Variants in LRBA observed in about 807,000 individuals in gnomAD.
LRBA encodes the protein lipopolysaccharide-responsive and beige-like anchor protein.
LRBA carries 176 observed loss-of-function variants against 330.0 expected under a neutral mutation model. The ratio of observed to expected loss-of-function variants is 0.53; its 90% CI spans 0.47 to 0.60. LRBA has a LOEUF of 0.60. Among genes scored for constraint, LRBA ranks in the 20% least tolerant of loss-of-function variants. LRBA has a pLI of 0.00. For missense variants in LRBA, 3,259 were observed against 3,444.8 expected (o/e 0.95, Z 1.35); for synonymous variants, 1,230 against 1,193.0 (o/e 1.03, Z -0.64).
intron 56 of LRBA, among the ~76,000 whole-genome samples, chr4:150,271,219 A>G (rs1274024186): frequency 6.6e-6 from 1 of 152,106 alleles, no homozygotes; most frequent in Non-Finnish European, 1.5e-5. Flanking sequence ...CCTGCAGACC[A>G]GGAGATTCCC....
At chr4:150,922,508 A>G (rs1438035271) in intron 4 of LRBA, among the ~76,000 whole-genome samples, 1 of 151,920 alleles carries the variant, frequency 6.6e-6, no homozygotes, top group Non-Finnish European at 1.5e-5. Flanking sequence ...TAAGTGAAGT[A>G]ACTCAGGAAT....
chr4:150,427,547 T>C (rs1749802412), intron 46 of LRBA, among the ~76,000 whole-genome samples: 1 of 151,704 alleles, frequency 6.6e-6, no homozygotes, highest in African/African-American at 2.4e-5. Flanking sequence ...TTGAGCTCAC[T>C]GATGAAAAAG....
rs371769624 is a variant in LRBA, at chr4:150,714,248, AAC to A, written c.5754+21008_5754+21009del. On this transcript the variant is annotated intron_variant, in intron 36 of 56. Transcript: ENST00000651943. ...AATACATTATGTCTAATATTTCAAG[AAC>A]AGTTTATAATTTGTAACTCAAATGT... Among the ~76,000 whole-genome samples the A allele has an allele frequency of 3.7e-4, 56 of 152,314 alleles. No individual in the cohort carries two copies. The East Asian group carries it at 0.011, about 29-fold the overall frequency.
At chr4:150,926,767 A>G (rs1481063219) in intron 4 of LRBA, among the ~76,000 whole-genome samples, 2 of 152,208 alleles carry the variant, frequency 1.3e-5, no homozygotes, top group Non-Finnish European at 2.9e-5. Context: ...TATTTAAAAG[A>G]ACCAAATAGA....
At chr4:150,980,034 CACT>C (rs773025466) in intron 2 of LRBA, among the ~76,000 whole-genome samples, 6 of 152,136 alleles carry the variant, frequency 3.9e-5, no homozygotes, top group Non-Finnish European at 7.4e-5. Flanking sequence ...AACTGTACAC[CACT>C]ATCTCTGATG....
chr4:150,856,214 T>C (rs956183999), intron 22 of LRBA, among the ~76,000 whole-genome samples: 2 of 152,176 alleles, frequency 1.3e-5, no homozygotes, highest in Non-Finnish European at 2.9e-5. Flanking sequence ...CAGCACATGA[T>C]GAAGGCAAGC....
chr4:150,347,784 A>C (rs1407373416), intron 48 of LRBA, among the ~76,000 whole-genome samples: 2 of 152,206 alleles, frequency 1.3e-5, no homozygotes, highest in African/African-American at 4.8e-5. Flanking sequence ...CCTATATTCA[A>C]ATATATATCT....
chr4:150,376,254 T>TA (rs1741306404), intron 47 of LRBA, among the ~76,000 whole-genome samples: 1 of 152,132 alleles, frequency 6.6e-6, no homozygotes, highest in East Asian at 1.9e-4. Context: ...ACTTTTTTTT[T>TA]ATGGCAACTC....
At chr4:150,985,688 C>T (rs370724945) in intron 2 of LRBA, among the ~76,000 whole-genome samples, 1 of 151,910 alleles carries the variant, frequency 6.6e-6, no homozygotes, top group African/African-American at 2.4e-5. Flanking sequence ...TTATTAGAGA[C>T]GGGATTTCAT....
intron 37 of LRBA, among the ~76,000 whole-genome samples, chr4:150,673,390 G>A (rs1021759944): frequency 2.0e-5 from 3 of 152,048 alleles, no homozygotes; most frequent in Non-Finnish European, 2.9e-5. Flanking sequence ...TTAACTCCAA[G>A]TTTTAATTCT....
At chr4:150,434,376 T>C (rs1001017855) in intron 46 of LRBA, among the ~76,000 whole-genome samples, 7 of 152,226 alleles carry the variant, frequency 4.6e-5, no homozygotes, top group South Asian at 2.1e-4. Flanking sequence ...TGCATATAGA[T>C]AGAATAACTC....
intron 2 of LRBA, among the ~76,000 whole-genome samples, chr4:150,945,758 C>T (rs1165181018): frequency 2.6e-5 from 4 of 151,846 alleles, no homozygotes; most frequent in Non-Finnish European, 5.9e-5. Context: ...GAGGAAAAAT[C>T]TCCTTATGTG....
chr4:150,572,324 A>C (rs1211911990), intron 40 of LRBA, among the ~76,000 whole-genome samples: 3 of 152,088 alleles, frequency 2.0e-5, no homozygotes, highest in Non-Finnish European at 2.9e-5. Flanking sequence ...ATTGGTCTGC[A>C]ATTAGAACAT....
At chr4:150,686,777 G>T (rs1243270520) in intron 36 of LRBA, among the ~76,000 whole-genome samples, 2 of 152,020 alleles carry the variant, frequency 1.3e-5, no homozygotes, top group African/African-American at 4.8e-5. Context: ...AGCATTAAAA[G>T]TAACCAAAAA....
chr4:150,500,953 T>C (rs1760183085), intron 40 of LRBA, among the ~76,000 whole-genome samples: 1 of 152,170 alleles, frequency 6.6e-6, no homozygotes, highest in African/African-American at 2.4e-5. Context: ...AATATTAAGC[T>C]TGTTTAGTTG....
intron 36 of LRBA, among the ~76,000 whole-genome samples, chr4:150,728,539 A>G (rs1225158412): frequency 6.6e-6 from 1 of 152,162 alleles, no homozygotes; most frequent in Non-Finnish European, 1.5e-5. Context: ...GGATGGTTCA[A>G]TGTATGCAAA....
At chr4:150,475,022 C>T (rs2174365) in intron 42 of LRBA, among the ~76,000 whole-genome samples, 91,804 of 151,968 alleles carry the variant, frequency 0.6, 31,056 homozygotes, top group Non-Finnish European at 0.75. Flanking sequence ...TGGTCAAATG[C>T]TTTTTTCTGA....
chr4:150,315,670 C>T lies in LRBA; in HGVS notation c.7631-47G>A, dbSNP rs752448863. 12 of 1,152,168 alleles carry T rather than the reference C, an allele frequency of 1.0e-5. No homozygotes were observed. In the African/African-American group the frequency reaches 1.1e-4, roughly 11 times the overall value. 71.4% of individuals were successfully genotyped at this position (1,152,168 alleles called of 1,614,324 possible). On this transcript the variant is annotated intron_variant, in intron 50 of 56. Transcript: ENST00000651943. ...GAAAAAAGGCATTATTTTTTATATACTAAACTACATAAAAATGCATAAGTC... is the reference window on the plus strand; with the variant it reads ...GAAAAAAGGCATTATTTTTTATATATTAAACTACATAAAAATGCATAAGTC...
chr4:150,366,098 A>C (rs1739433948), intron 47 of LRBA, among the ~76,000 whole-genome samples: 1 of 152,190 alleles, frequency 6.6e-6, no homozygotes, highest in African/African-American at 2.4e-5. Flanking sequence ...AATATCTCTT[A>C]AATGTACCAT....
Sources: allele counts gnomAD v4.1 joint callset (sites outside exome capture counted in the v4.1 genomes callset), GRCh38; gene constraint gnomAD v4.1.1; transcripts MANE v1.5; gene names NCBI Gene and HGNC (gene_info 2026-07-23, HGNC 2026-07-21).